Variants in NRCAM observed in about 807,000 individuals in gnomAD.
NRCAM encodes neuronal cell adhesion molecule.
Under a neutral mutation model 156.5 loss-of-function variants are expected in NRCAM, and 83 were observed. The ratio of observed to expected loss-of-function variants is 0.53; its 90% CI spans 0.44 to 0.64. NRCAM has a LOEUF of 0.64. Among genes scored for constraint, NRCAM ranks in the 30% least tolerant of loss-of-function variants. The probability of loss-of-function intolerance (pLI) is 0.00; values close to 1 mark genes in which losing one functional copy is unlikely to be tolerated. For missense variants in NRCAM, 1,417 were observed against 1,597.3 expected, an observed-to-expected ratio of 0.89 and a Z score of 1.92; for synonymous variants, 538 against 563.9, an observed-to-expected ratio of 0.95 and a Z score of 0.65.
intron 2 of NRCAM, among the ~76,000 whole-genome samples, chr7:108,359,615 AG>A (rs2099534812): frequency 6.6e-6 from 1 of 152,250 alleles, no homozygotes; most frequent in Non-Finnish European, 1.5e-5. Context: ...AAAGGTATCT[AG>A]GTCTCAGATT....
chr7:108,298,339 C>A (rs4727703), intron 3 of NRCAM, among the ~76,000 whole-genome samples: 27,953 of 151,724 alleles, frequency 0.18, 3,510 homozygotes, highest in East Asian at 0.48. Flanking sequence ...CTATCCAAAA[C>A]AACCCCCTCC....
intron 1 of NRCAM, among the ~76,000 whole-genome samples, chr7:108,408,254 G>A (rs1790974466): frequency 6.6e-6 from 1 of 152,146 alleles, no homozygotes; most frequent in Admixed American, 6.5e-5. Flanking sequence ...GTATGGAACT[G>A]ACACTTTTTA....
chr7:108,343,542 T>C (rs947815317), intron 2 of NRCAM, among the ~76,000 whole-genome samples: 1 of 152,106 alleles, frequency 6.6e-6, no homozygotes, highest in African/African-American at 2.4e-5. Context: ...CCCTAGTATG[T>C]GGTAATCCCC....
chr7:108,260,075 G>GA (rs5886449), intron 3 of NRCAM, among the ~76,000 whole-genome samples: 86,064 of 151,896 alleles, frequency 0.57, 24,983 homozygotes, highest in East Asian at 0.94. Flanking sequence ...TTTCCATGAG[G>GA]AAGAGTGCCT....
At chr7:108,184,725 T>C in intron 20 of NRCAM, 111 bp from the exon 21 acceptor site, 1 of 798,464 alleles carries the variant, frequency 1.3e-6, no homozygotes, top group African/African-American at 1.7e-5. Flanking sequence ...AAACATGAAT[T>C]ATTTTACTTT....
Position 108,198,052 on chromosome 7 carries a change from A to C in NRCAM, c.1255T>G (p.Phe419Val). 1 of 1,607,982 alleles carries C rather than the reference A, an allele frequency of 6.2e-7. No homozygotes were observed. Among genetic ancestry groups the C allele is most frequent in the Non-Finnish European group, 8.5e-7 (1 of 1,177,454 alleles). Residue 419 changes from phenylalanine to valine, a missense_variant, in exon 14 of 33, where the codon TTT becomes GTT. Physicochemically the swap from Phe to Val is conservative, Grantham distance 50 (BLOSUM62 -1). Around this residue, in one of 2 missense-constraint regions of NRCAM, gnomAD observed 1,238 missense variants for 1,336.4 expected, o/e 0.93. Transcript: ENST00000379028. ...CTTGATCTTTCTTGAACATTTGAAAAAATAATGGTATCGCCATCTATTTTT... is the reference window on the plus strand; with the variant it reads ...CTTGATCTTTCTTGAACATTTGAAACAATAATGGTATCGCCATCTATTTTT... ...SRKIDGDTII[F>V]SNVQERSSAV... is the part of the protein sequence containing the mutation.
chr7:108,297,404 T>C (rs925629313), intron 3 of NRCAM, among the ~76,000 whole-genome samples: 6 of 152,200 alleles, frequency 3.9e-5, no homozygotes, highest in Non-Finnish European at 1.5e-5. Context: ...AAATGCCATT[T>C]CTAAAGCTTT....
intron 2 of NRCAM, among the ~76,000 whole-genome samples, chr7:108,340,092 G>A (rs1484332572): frequency 2.0e-5 from 3 of 152,154 alleles, no homozygotes; most frequent in African/African-American, 7.2e-5. Flanking sequence ...TGTAAAAAGT[G>A]TGATTTATGC....
chr7:108,275,469 G>A (rs1049326256), intron 3 of NRCAM, among the ~76,000 whole-genome samples: 9 of 152,182 alleles, frequency 5.9e-5, no homozygotes, highest in Admixed American at 2.0e-4. Flanking sequence ...TCTTCAAAGA[G>A]CGTATTTGTC....
chr7:108,349,426 GC>G (rs913261543), intron 2 of NRCAM, among the ~76,000 whole-genome samples: 2 of 151,708 alleles, frequency 1.3e-5, no homozygotes, highest in Non-Finnish European at 2.9e-5. Flanking sequence ...CTGCCACCAC[GC>G]CCTGCTAATT....
At chr7:108,416,224 A>G (rs1787306813) in intron 1 of NRCAM, among the ~76,000 whole-genome samples, 1 of 152,252 alleles carries the variant, frequency 6.6e-6, no homozygotes, top group African/African-American at 2.4e-5. Flanking sequence ...TTTAAATAAA[A>G]CTGCAGATGC....
At chr7:108,266,732 G>A (rs1470904438) in intron 3 of NRCAM, among the ~76,000 whole-genome samples, 1 of 152,134 alleles carries the variant, frequency 6.6e-6, no homozygotes, top group East Asian at 1.9e-4. Context: ...GCAGGCCACA[G>A]ATGAACAGGT....
chr7:108,164,343 T>G (rs539800645), intron 30 of NRCAM, among the ~76,000 whole-genome samples: 1 of 152,206 alleles, frequency 6.6e-6, no homozygotes, highest in South Asian at 2.1e-4. Flanking sequence ...TTAAGAAATA[T>G]ACCTTAGAAA....
chr7:108,152,289 T>C (rs1240021259), intron 32 of NRCAM, among the ~76,000 whole-genome samples: 2 of 150,938 alleles, frequency 1.3e-5, no homozygotes, highest in African/African-American at 4.9e-5. Context: ...TTTAAAAGAG[T>C]TGAGTTAGCA....
intron 28 of NRCAM, among the ~76,000 whole-genome samples, chr7:108,174,256 T>C (rs893658230): frequency 6.6e-6 from 1 of 152,240 alleles, no homozygotes; most frequent in Admixed American, 6.5e-5. Context: ...CAGTCCTTAT[T>C]CAATAACTCC....
intron 28 of NRCAM, among the ~76,000 whole-genome samples, chr7:108,172,007 T>C (rs886262209): frequency 4.6e-5 from 7 of 152,218 alleles, no homozygotes; most frequent in African/African-American, 1.7e-4. Flanking sequence ...CACTCCTAAT[T>C]GGTTGACCAT....
At chr7:108,312,758 T>G (rs1267351925) in intron 2 of NRCAM, 27 bp from the exon 3 acceptor site, 1 of 152,322 alleles carries the variant, frequency 6.6e-6, no homozygotes, top group Admixed American at 6.5e-5. Flanking sequence ...GGGAGAAACG[T>G]TAACACGACA....
chr7:108,255,715 G>A (rs1472882691), intron 3 of NRCAM, among the ~76,000 whole-genome samples: 1 of 151,298 alleles, frequency 6.6e-6, no homozygotes, highest in Non-Finnish European at 1.5e-5. Context: ...CATCTGGGAT[G>A]TGAGGAGCGC....
chr7:108,201,244 G>T (rs115295197), intron 13 of NRCAM, among the ~76,000 whole-genome samples: 6,202 of 151,830 alleles, frequency 0.041, 394 homozygotes, highest in African/African-American at 0.14. Context: ...TCAGTGCTGG[G>T]ACTCTTCAGG....
Sources: gnomAD v4.1 joint callset for allele counts (sites outside exome capture counted in the v4.1 genomes callset) on GRCh38, gnomAD v4.1.1 for gene constraint, gnomAD v4.1.1 regional missense constraint, MANE v1.5 for transcripts, NCBI Gene and HGNC (gene_info 2026-07-23, HGNC 2026-07-21) for gene names.